Variants in TMEM68 observed in about 807,000 individuals in gnomAD.
TMEM68 encodes transmembrane protein 68.
Under a neutral mutation model 36.9 loss-of-function variants are expected in TMEM68, and 25 were observed. The observed-to-expected ratio is 0.68, with a 90% CI of 0.49 to 0.95. TMEM68 has a LOEUF of 0.95. Among genes scored for constraint, TMEM68 ranks in the 40% least tolerant of loss-of-function variants. The probability of loss-of-function intolerance (pLI) is 0.00; values close to 1 mark genes in which losing one functional copy is unlikely to be tolerated. For missense variants in TMEM68, 333 were observed against 392.0 expected (o/e 0.85, Z 1.27); for synonymous variants, 131 against 124.4 (o/e 1.05, Z -0.35).
intron 3 of TMEM68, chr8:55,761,108 T>C (rs1810777740): frequency 6.6e-6 from 1 of 152,142 alleles, no homozygotes; most frequent in African/African-American, 2.4e-5. Flanking sequence ...AAAAAAATAG[T>C]TTACTATAGT....
At chr8:55,750,094 T>C (rs1585712860) in intron 5 of TMEM68, among the ~76,000 whole-genome samples, 1 of 152,192 alleles carries the variant, frequency 6.6e-6, no homozygotes, top group African/African-American at 2.4e-5. Flanking sequence ...TTTCAAAATA[T>C]AAACTTGAAA....
chr8:55,766,948 T>C (rs955346412), intron 1 of TMEM68, among the ~76,000 whole-genome samples: 4 of 152,174 alleles, frequency 2.6e-5, no homozygotes, highest in African/African-American at 7.2e-5. Flanking sequence ...GATAATTATA[T>C]GGTGTTTTGG....
At chr8:55,755,208 A>G (rs967988369) in intron 4 of TMEM68, among the ~76,000 whole-genome samples, 1 of 151,736 alleles carries the variant, frequency 6.6e-6, no homozygotes, top group Non-Finnish European at 1.5e-5. Flanking sequence ...GTTACACATG[A>G]TAAGAGACAT....
chr8:55,747,439 CAAG>C (rs1233252148), intron 5 of TMEM68: 2 of 152,036 alleles, frequency 1.3e-5, no homozygotes, highest in Non-Finnish European at 1.5e-5. Flanking sequence ...AGCTAAAACA[CAAG>C]AAGATAAAGA....
At chr8:55,756,197 T>TA in intron 4 of TMEM68, 47 bp downstream of exon 4, 1 of 1,542,206 alleles carries the variant, frequency 6.5e-7, no homozygotes, top group Non-Finnish European at 8.7e-7. Context: ...ATAACTTGGT[T>TA]TTGTTAATAA....
chr8:55,769,815 T>TAG (rs1811096664), intron 1 of TMEM68, among the ~76,000 whole-genome samples: 1 of 152,160 alleles, frequency 6.6e-6, no homozygotes, highest in African/African-American at 2.4e-5. Flanking sequence ...GTATTTTTAG[T>TAG]AGAGATGGGG....
At position 55,745,030 on chromosome 8, in the gene TMEM68, G is replaced by A. The variant is rs1229669506; in HGVS notation, c.748+31C>T. The A allele has an allele frequency of 6.6e-6, 9 of 1,363,438 alleles. 1 individual carries two copies. In the South Asian group the frequency reaches 9.4e-5, roughly 14 times the overall value. 84.5% of individuals were successfully genotyped at this position (1,363,438 alleles called of 1,614,324 possible). A position where few individuals can be genotyped will look rare whatever the true frequency, so the allele number is the denominator to read the frequency against. ...GCCCAAATATTTTAAAAATTACATT[G>A]TAATTTAAAACCATACAAATCAGAA... is the stretch of plus-strand genomic sequence containing the variant. On this transcript the variant is annotated intron_variant, in intron 6 of 7. Coordinates refer to ENST00000434581, the MANE Select transcript of TMEM68 (RefSeq NM_001286657.2).
rs768043234 is a variant in TMEM68 at position 55,762,684 on chromosome 8, T to C, written c.276A>G (p.Ala92=). The change falls in exon 3 of 8, where the codon GCA becomes GCG. Residue 92 remains alanine, a synonymous_variant. Transcript: ENST00000434581. ...EAYSHNLWDG[A]RKTVATLWDG... Reference sequence around the variant, plus strand: ...CCCACAGAGTTGCCACTGTTTTCCTTGCACCATCCCATAAATTATGAGAGT... The same window carrying C: ...CCCACAGAGTTGCCACTGTTTTCCTCGCACCATCCCATAAATTATGAGAGT... 6.2e-7 allele frequency: 1 copy of C among 1,614,230 alleles called. No homozygotes were observed. Among genetic ancestry groups the C allele is most frequent in the Non-Finnish European group, 8.5e-7 (1 of 1,180,034 alleles).
intron 4 of TMEM68, among the ~76,000 whole-genome samples, chr8:55,754,444 A>AATATATATATAT (rs769626273): frequency 3.4e-4 from 34 of 101,128 alleles, no homozygotes; most frequent in Non-Finnish European, 5.1e-4. Context: ...CTCTGTCTCG[A>AATATATATATAT]ATATATATAT....
rs899966443 is a variant in TMEM68 at position 55,767,197 on chromosome 8, G to A, written c.-114-3217C>T. ...CTAATAAGACTATCGTGAAGATTAC[G>A]TGTAAAAAAACTCTTAGAAGAGTGC... On this transcript the variant is annotated intron_variant, in intron 1 of 7. Coordinates refer to ENST00000434581, the MANE Select transcript of TMEM68 (RefSeq NM_001286657.2). 4.0e-5 allele frequency among the ~76,000 whole-genome samples: 6 copies of A among 151,186 alleles called. 1 individual carries two copies. The highest frequency in any genetic ancestry group is 8.8e-5 in the Non-Finnish European group (6 of 67,876).
chr8:55,769,637 A>C (rs1421737652), intron 1 of TMEM68, among the ~76,000 whole-genome samples: 1 of 151,732 alleles, frequency 6.6e-6, no homozygotes, highest in Non-Finnish European at 1.5e-5. Flanking sequence ...GTTCGTCTAA[A>C]ACTTTTTTTT....
intron 1 of TMEM68, among the ~76,000 whole-genome samples, chr8:55,767,559 A>C (rs1246341510): frequency 2.0e-5 from 3 of 152,216 alleles, no homozygotes; most frequent in Non-Finnish European, 4.4e-5. Flanking sequence ...TGGCCCTGAT[A>C]TAAATCTAGG....
chr8:55,750,659 C>T (rs1395859064), intron 5 of TMEM68, among the ~76,000 whole-genome samples: 1 of 150,822 alleles, frequency 6.6e-6, no homozygotes, highest in Non-Finnish European at 1.5e-5. Flanking sequence ...CCTCCCTCAG[C>T]CTCCCGAGTA....
intron 3 of TMEM68, among the ~76,000 whole-genome samples, chr8:55,759,677 A>G (rs759185444): frequency 3.3e-5 from 5 of 152,234 alleles, no homozygotes; most frequent in Non-Finnish European, 5.9e-5. Context: ...ACACTGTTAT[A>G]TATACACAGA....
chr8:55,753,475 T>C (rs1810479140), intron 4 of TMEM68, among the ~76,000 whole-genome samples: 1 of 152,206 alleles, frequency 6.6e-6, no homozygotes, highest in Non-Finnish European at 1.5e-5. Context: ...TCTACTATAG[T>C]GATCATGTTA....
rs73601038 is a variant in TMEM68, at chr8:55,742,857, G to A, written c.888+624C>T. On this transcript the variant is annotated intron_variant, in intron 7 of 7. Transcript: ENST00000434581. ...CTCTGAAAGTATAATTATGAGGCAG[G>A]CAGGCTTTTCTCCTCTTTATCCTCC... Among the ~76,000 whole-genome samples, 949 of 151,596 alleles carry A rather than the reference G, an allele frequency of 6.3e-3. 16 individuals are homozygous for A. The highest frequency in any genetic ancestry group is 0.022 in the African/African-American group (898 of 41,280).
intron 5 of TMEM68, among the ~76,000 whole-genome samples, chr8:55,748,380 C>T (rs1037336747): frequency 3.3e-5 from 5 of 152,144 alleles, no homozygotes; most frequent in African/African-American, 1.2e-4. Context: ...CCATGTTGGC[C>T]AGGCTGGTCT....
chr8:55,746,550 T>C (rs537894180), intron 5 of TMEM68: 1 of 152,228 alleles, frequency 6.6e-6, no homozygotes, highest in South Asian at 2.1e-4. Context: ...ATACATAATA[T>C]ACTGAATTAA....
At chr8:55,765,666 GA>G (rs1810941866) in intron 1 of TMEM68, among the ~76,000 whole-genome samples, 1 of 152,038 alleles carries the variant, frequency 6.6e-6, no homozygotes, top group Non-Finnish European at 1.5e-5. Flanking sequence ...AACTACACTT[GA>G]AAAAAACCTT....
Sources: gnomAD v4.1 joint callset for allele counts (sites outside exome capture counted in the v4.1 genomes callset) on GRCh38, gnomAD v4.1.1 for gene constraint, MANE v1.5 for transcripts, NCBI Gene and HGNC (gene_info 2026-07-23, HGNC 2026-07-21) for gene names.